OPCML: variants seen among roughly 807,000 people sequenced by gnomAD.
OPCML encodes opioid binding protein/cell adhesion molecule like, also known as opioid-binding protein/cell adhesion molecule.
Under a neutral mutation model 37.8 loss-of-function variants are expected in OPCML, and 13 were observed. The ratio of observed to expected loss-of-function variants is 0.34; its 90% CI spans 0.22 to 0.55. The LOEUF is 0.55. Among genes scored for constraint, OPCML ranks in the 20% least tolerant of loss-of-function variants. The pLI is 0.91. For missense variants in OPCML, 341 were observed against 435.6 expected (o/e 0.78, Z 1.93); for synonymous variants, 176 against 168.8 (o/e 1.04, Z -0.33).
chr11:133,311,862 AT>A (rs536365352), intron 1 of OPCML, among the ~76,000 whole-genome samples: 6 of 152,294 alleles, frequency 3.9e-5, no homozygotes, highest in Admixed American at 3.9e-4. Flanking sequence ...ACAGCTGGGC[AT>A]TTCTGACAGA....
At chr11:132,805,919 G>A (rs1392152131) in intron 2 of OPCML, among the ~76,000 whole-genome samples, 1 of 151,960 alleles carries the variant, frequency 6.6e-6, no homozygotes, top group Non-Finnish European at 1.5e-5. Context: ...AATAATAACA[G>A]TATAAGATGG....
intron 2 of OPCML, among the ~76,000 whole-genome samples, chr11:132,669,689 A>C (rs1942375257): frequency 6.6e-6 from 1 of 152,168 alleles, no homozygotes; most frequent in African/African-American, 2.4e-5. Flanking sequence ...TACAAGGCAA[A>C]GCCATTTCTG....
intron 1 of OPCML, among the ~76,000 whole-genome samples, chr11:133,185,080 A>G (rs1348767031): frequency 1.3e-5 from 2 of 152,228 alleles, no homozygotes; most frequent in East Asian, 3.9e-4. Flanking sequence ...CATACTCACA[A>G]AAGTGTAGGG....
intron 1 of OPCML, among the ~76,000 whole-genome samples, chr11:133,308,253 C>T (rs1942976231): frequency 6.6e-6 from 1 of 151,988 alleles, no homozygotes; most frequent in African/African-American, 2.4e-5. Context: ...TAGTTTATAC[C>T]ATAGACTCTT....
chr11:132,576,809 C>T (rs1378066863), intron 3 of OPCML, among the ~76,000 whole-genome samples: 1 of 152,124 alleles, frequency 6.6e-6, no homozygotes, highest in Non-Finnish European at 1.5e-5. Context: ...CTTTCCCTCC[C>T]TAGGGAAAAG....
At chr11:133,429,970 C>T (rs999527062) in intron 1 of OPCML, among the ~76,000 whole-genome samples, 1 of 151,926 alleles carries the variant, frequency 6.6e-6, no homozygotes. Flanking sequence ...TGGATGGAAG[C>T]GGGGTAGAAG....
At chr11:132,581,192 A>C (rs2096461377) in intron 3 of OPCML, among the ~76,000 whole-genome samples, 1 of 152,190 alleles carries the variant, frequency 6.6e-6, no homozygotes, top group Admixed American at 6.5e-5. Context: ...ATAGATCATC[A>C]TGAAGGTGAA....
At chr11:132,528,275 ATACATTTTTCCTGCTTACTTGGTT>A (rs1266773656) in intron 4 of OPCML, among the ~76,000 whole-genome samples, 1 of 151,616 alleles carries the variant, frequency 6.6e-6, no homozygotes, top group Non-Finnish European at 1.5e-5. Context: ...GCCATATTCC[ATACATTTTTCCTGCTTACTTGGTT>A]TCATGTTTGA....
intron 1 of OPCML, chr11:133,008,905 A>G (rs1041955915): frequency 1.0e-6 from 1 of 985,344 alleles, no homozygotes; most frequent in African/African-American, 1.7e-5. Context: ...AGTGATCTGC[A>G]CATAAACACA....
intron 2 of OPCML, among the ~76,000 whole-genome samples, chr11:132,673,339 A>G (rs1475649763): frequency 1.3e-5 from 2 of 152,176 alleles, no homozygotes; most frequent in Admixed American, 6.5e-5. Context: ...AGAGAAAAAT[A>G]GATCACAGAG....
At chr11:133,483,300 TGATA>T (rs1010835048) in intron 1 of OPCML, among the ~76,000 whole-genome samples, 6 of 98,748 alleles carry the variant, frequency 6.1e-5, no homozygotes, top group African/African-American at 1.3e-4. Context: ...GCACTAGAGC[TGATA>T]GATAGGCAGA....
chr11:133,158,656 C>T (rs1448964449), intron 1 of OPCML, among the ~76,000 whole-genome samples: 7 of 149,638 alleles, frequency 4.7e-5, no homozygotes, highest in East Asian at 2.0e-4. Context: ...GCCAAGATCA[C>T]GCCACTGCAC....
At chr11:133,411,830 G>A (rs569146688) in intron 1 of OPCML, among the ~76,000 whole-genome samples, 2 of 152,286 alleles carry the variant, frequency 1.3e-5, no homozygotes, top group Non-Finnish European at 2.9e-5. Flanking sequence ...TCCACTTCAT[G>A]AGAAAGTTTT....
chr11:132,854,069 CT>C (rs1159596093), intron 2 of OPCML, among the ~76,000 whole-genome samples: 2 of 152,344 alleles, frequency 1.3e-5, no homozygotes, highest in African/African-American at 4.8e-5. Context: ...GCTGTTTGGT[CT>C]GACAAACAAC....
At chr11:133,010,821 G>A (rs569650355) in intron 1 of OPCML, among the ~76,000 whole-genome samples, 1 of 152,270 alleles carries the variant, frequency 6.6e-6, no homozygotes, top group African/African-American at 2.4e-5. Context: ...AAAATAAAAA[G>A]CCATGCCACC....
At chr11:133,131,011 G>C (rs1237223282) in intron 1 of OPCML, among the ~76,000 whole-genome samples, 1 of 152,076 alleles carries the variant, frequency 6.6e-6, no homozygotes, top group African/African-American at 2.4e-5. Context: ...TTGGAGGTGG[G>C]AATTTGGGGT....
intron 1 of OPCML, among the ~76,000 whole-genome samples, chr11:133,319,078 A>G (rs1943270686): frequency 2.0e-5 from 3 of 152,150 alleles, no homozygotes; most frequent in South Asian, 4.1e-4. Context: ...GCTAATATTG[A>G]TGTCGATATT....
chr11:132,992,365 GAAGA>G (rs566604881), intron 1 of OPCML, among the ~76,000 whole-genome samples: 147 of 152,138 alleles, frequency 9.7e-4, no homozygotes, highest in African/African-American at 3.4e-3. Context: ...TTATTGCAGA[GAAGA>G]AAGAGAAACT....
At chr11:133,456,359 G>C (rs1270930711) in intron 1 of OPCML, among the ~76,000 whole-genome samples, 1 of 152,058 alleles carries the variant, frequency 6.6e-6, no homozygotes, top group Non-Finnish European at 1.5e-5. Context: ...CTCACTTCAG[G>C]CTGATCCCGA....
Sources: gnomAD v4.1 joint callset for allele counts (sites outside exome capture counted in the v4.1 genomes callset) on GRCh38, gnomAD v4.1.1 for gene constraint, MANE v1.5 for transcripts, NCBI Gene and HGNC (gene_info 2026-07-23, HGNC 2026-07-21) for gene names.